The following SCHIP1 variants were observed in gnomAD, a reference collection of about 807,000 sequenced individuals.
The protein encoded by SCHIP1 is schwannomin-interacting protein 1.
A neutral mutation model predicts 29.7 loss-of-function variants in SCHIP1; 8 were observed. The observed-to-expected ratio is 0.27, with a 90% CI of 0.16 to 0.49. The LOEUF (loss-of-function observed/expected upper bound fraction) is 0.49, where lower values mean the gene tolerates loss of function less well. Ranked by LOEUF, SCHIP1 falls within the 20% of genes least tolerant of loss-of-function variation. SCHIP1 has a pLI of 0.99. For synonymous variants in SCHIP1, 76 were observed against 94.9 expected, an observed-to-expected ratio of 0.80 and a Z score of 1.16; for missense variants, 193 against 294.6, an observed-to-expected ratio of 0.66 and a Z score of 2.52.
chr3:159,630,312 A>T, the SCHIP1 span, among the ~76,000 whole-genome samples: 2 of 152,172 alleles, frequency 1.3e-5, no homozygotes, highest in East Asian at 3.8e-4. Context: ...AATTTTTTTT[A>T]AAACTATGTA....
chr3:159,463,809 A>G, the SCHIP1 span, among the ~76,000 whole-genome samples: 1 of 152,054 alleles, frequency 6.6e-6, no homozygotes, highest in Non-Finnish European at 1.5e-5. Context: ...AAACAGAATT[A>G]TTTTACATAT....
the SCHIP1 span, among the ~76,000 whole-genome samples, chr3:159,647,242 C>A: frequency 0.013 from 2,017 of 151,916 alleles, 13 homozygotes; most frequent in Non-Finnish European, 0.022. Flanking sequence ...GAGAGAAATC[C>A]AAAAATAAGG....
the SCHIP1 span, among the ~76,000 whole-genome samples, chr3:159,576,259 T>A: frequency 6.6e-6 from 1 of 152,210 alleles, no homozygotes; most frequent in Non-Finnish European, 1.5e-5. Flanking sequence ...CTAAAAATTT[T>A]AAAAAGACTA....
At chr3:159,734,482 GA>G in the SCHIP1 span, among the ~76,000 whole-genome samples, 1 of 151,170 alleles carries the variant, frequency 6.6e-6, no homozygotes, top group South Asian at 2.1e-4. Context: ...TATTTCCAAC[GA>G]AAAAAAAGAT....
chr3:159,400,299 G>A, the SCHIP1 span, among the ~76,000 whole-genome samples: 1 of 152,178 alleles, frequency 6.6e-6, no homozygotes, highest in Admixed American at 6.5e-5. Flanking sequence ...AAAGTGGTAG[G>A]GGAGAGTATT....
chr3:159,382,954 GTTTGT>G, the SCHIP1 span, among the ~76,000 whole-genome samples: 52 of 149,966 alleles, frequency 3.5e-4, no homozygotes, highest in Non-Finnish European at 6.0e-4. Context: ...TGATGGGGTT[GTTTGT>G]TTTTTTCTTG....
At chr3:159,474,871 A>C in the SCHIP1 span, among the ~76,000 whole-genome samples, 1 of 152,192 alleles carries the variant, frequency 6.6e-6, no homozygotes, top group Non-Finnish European at 1.5e-5. Flanking sequence ...TTACTTTAAA[A>C]AGTAAGCTTT....
At chr3:159,665,906 G>C in the SCHIP1 span, among the ~76,000 whole-genome samples, 1 of 152,180 alleles carries the variant, frequency 6.6e-6, no homozygotes, top group Admixed American at 6.5e-5. Flanking sequence ...TTGATTGCCT[G>C]CTCAGGTTAG....
chr3:159,321,137 G>A, the SCHIP1 span, among the ~76,000 whole-genome samples: 3 of 152,208 alleles, frequency 2.0e-5, no homozygotes, highest in African/African-American at 7.2e-5. Context: ...GCTAATGTTT[G>A]CATTTTTGGT....
chr3:159,559,151 A>T, the SCHIP1 span, among the ~76,000 whole-genome samples: 1 of 152,156 alleles, frequency 6.6e-6, no homozygotes, highest in South Asian at 2.1e-4. Flanking sequence ...ATTTTTTAAA[A>T]AGAAGTTTCT....
chr3:159,658,476 A>G, the SCHIP1 span, among the ~76,000 whole-genome samples: 1 of 152,230 alleles, frequency 6.6e-6, no homozygotes, highest in Admixed American at 6.5e-5. Context: ...GAAAAATTAA[A>G]GGACTGTTGT....
chr3:159,624,514 C>T, the SCHIP1 span, among the ~76,000 whole-genome samples: 2 of 152,046 alleles, frequency 1.3e-5, no homozygotes, highest in Non-Finnish European at 2.9e-5. Flanking sequence ...TAGGGAGAAA[C>T]CATGCAGAGA....
At chr3:159,893,281 G>A (rs935191558) in intron 6 of SCHIP1, 7 of 152,058 alleles carry the variant, frequency 4.6e-5, no homozygotes. Flanking sequence ...CTTATCCCTA[G>A]CCAAAAACAA....
At chr3:159,865,931 C>T (rs542796231) in intron 1 of SCHIP1, among the ~76,000 whole-genome samples, 24 of 152,308 alleles carry the variant, frequency 1.6e-4, no homozygotes, top group African/African-American at 3.6e-4. Flanking sequence ...TTTAGCACCA[C>T]GATGGTGATT....
At chr3:159,897,279 A>T (rs962974124) in exon 7 of SCHIP1, 16 of 152,822 alleles carry the variant, frequency 1.0e-4, no homozygotes, top group African/African-American at 3.8e-4. Context: ...TAGATGTGCT[A>T]TTAACATTCT....
At chr3:159,303,549 A>AAGGG in the SCHIP1 span, among the ~76,000 whole-genome samples, 1 of 148,048 alleles carries the variant, frequency 6.8e-6, no homozygotes, top group African/African-American at 2.5e-5. Flanking sequence ...GGAAGGAAGG[A>AAGGG]AGGGAGGGAG....
chr3:159,350,084 A>G, the SCHIP1 span, among the ~76,000 whole-genome samples: 2 of 152,138 alleles, frequency 1.3e-5, no homozygotes, highest in Admixed American at 6.5e-5. Flanking sequence ...TGCTGGGTAC[A>G]TTTCATGGTG....
the SCHIP1 span, among the ~76,000 whole-genome samples, chr3:159,421,211 T>C: frequency 6.6e-6 from 1 of 152,218 alleles, no homozygotes; most frequent in African/African-American, 2.4e-5. Flanking sequence ...AATATACATA[T>C]TTACTAAATT....
the SCHIP1 span, among the ~76,000 whole-genome samples, chr3:159,417,248 G>C: frequency 6.6e-6 from 1 of 152,182 alleles, no homozygotes; most frequent in Non-Finnish European, 1.5e-5. Context: ...CAAGTCATTA[G>C]CACAAGGATC....
Sources: allele counts gnomAD v4.1 joint callset (sites outside exome capture counted in the v4.1 genomes callset), GRCh38; gene constraint gnomAD v4.1.1; transcripts MANE v1.5; gene names NCBI Gene and HGNC (gene_info 2026-07-23, HGNC 2026-07-21).